DSTYK: variants seen among roughly 807,000 people sequenced by gnomAD.
DSTYK encodes the protein dual serine/threonine and tyrosine protein kinase.
In DSTYK, 34 loss-of-function variants were observed where a neutral mutation model predicts 98.7. The observed-to-expected ratio is 0.34, with a 90% CI of 0.26 to 0.46. The LOEUF (loss-of-function observed/expected upper bound fraction) is 0.46, where lower values mean the gene tolerates loss of function less well. Among genes scored for constraint, DSTYK ranks in the 20% least tolerant of loss-of-function variants. The pLI, the probability that DSTYK is intolerant of heterozygous loss-of-function variation, is 1.00. For synonymous variants in DSTYK, 462 were observed against 457.3 expected (o/e 1.01, Z -0.13); for missense variants, 962 against 1,181.7 (o/e 0.81, Z 2.73).
rs368252858 is a variant in DSTYK at position 205,170,057 on chromosome 1, G to C, written c.655-225C>G. Among the ~76,000 whole-genome samples, 100 of 152,288 alleles carry C rather than the reference G, an allele frequency of 6.6e-4. 1 individual carries two copies. The highest frequency in any genetic ancestry group is 2.3e-3 in the African/African-American group (96 of 41,542). On this transcript the variant is annotated intron_variant, in intron 2 of 12. Coordinates refer to ENST00000367162, the MANE Select transcript of DSTYK (RefSeq NM_015375.3). ...AGTGAAAAAACAAAGAAGTAGAAAG[G>C]ATGGCAACCCCTTTAGCCATCAGAT...
chr1:205,196,054 T>C (rs1236731577), intron 1 of DSTYK, among the ~76,000 whole-genome samples: 1 of 152,184 alleles, frequency 6.6e-6, no homozygotes, highest in Non-Finnish European at 1.5e-5. Flanking sequence ...AAGGTGGGAA[T>C]ATGTCAAAAG....
Position 205,159,575 on chromosome 1 carries a change from A to T in DSTYK, c.2210T>A (p.Leu737Gln). 1 of 1,581,310 alleles carries T rather than the reference A, an allele frequency of 6.3e-7. No individual in the cohort carries two copies. Among genetic ancestry groups the T allele is most frequent in the African/African-American group, 1.4e-5 (1 of 72,118 alleles). ...SIAVLLIMER[L>Q]HRDLYTGLKA... ...CAGCCCTGTGTAGAGATCCCGGTGT[A>T]GCCGCTCCATAATGAGGAGCACAGC... The change falls in exon 9 of 13, where the codon CTA becomes CAA. Residue 737 changes from leucine to glutamine, a missense_variant. Physicochemically the swap from Leu to Gln is moderately radical, Grantham distance 113. Around this residue, in one of 4 missense-constraint regions of DSTYK, gnomAD observed 660 missense variants for 855.0 expected, o/e 0.77. Coordinates refer to ENST00000367162, the MANE Select transcript of DSTYK (RefSeq NM_015375.3).
At chr1:205,158,686 C>T (rs1375993891) in intron 9 of DSTYK, among the ~76,000 whole-genome samples, 5 of 152,206 alleles carry the variant, frequency 3.3e-5, no homozygotes, top group African/African-American at 1.2e-4. Context: ...ATGCTCTAGG[C>T]ATTAAGCTGT....
intron 1 of DSTYK, among the ~76,000 whole-genome samples, chr1:205,193,485 C>G (rs1438130112): frequency 6.6e-6 from 1 of 152,188 alleles, no homozygotes; most frequent in African/African-American, 2.4e-5. Context: ...AGGTTGCTCT[C>G]TGACCTTCTC....
chr1:205,149,162 A>G (rs1294745573), intron 11 of DSTYK, among the ~76,000 whole-genome samples: 1 of 151,994 alleles, frequency 6.6e-6, no homozygotes, highest in Non-Finnish European at 1.5e-5. Context: ...TTGGCTTCCC[A>G]AAGTGCTGGG....
chr1:205,177,250 A>G (rs189075152), intron 2 of DSTYK, among the ~76,000 whole-genome samples: 155 of 152,272 alleles, frequency 1.0e-3, no homozygotes, highest in African/African-American at 3.7e-3. Context: ...GAAAACAGTT[A>G]TGTACGCAGG....
intron 12 of DSTYK, among the ~76,000 whole-genome samples, 170 bp from the exon 13 acceptor site, chr1:205,147,915 T>TAA (rs35284794): frequency 1.9e-4 from 28 of 144,522 alleles, no homozygotes; most frequent in Admixed American, 3.4e-4. Context: ...TAAGAGCAAT[T>TAA]AAAAAAAAAA....
At chr1:205,202,325 G>A (rs1418031107) in intron 1 of DSTYK, 7 of 695,620 alleles carry the variant, frequency 1.0e-5, no homozygotes, top group Admixed American at 1.8e-5. Context: ...GAAAAGCCAC[G>A]AAGTATCTGA....
intron 10 of DSTYK, among the ~76,000 whole-genome samples, chr1:205,153,702 T>TTC (rs760501086): frequency 1.3e-5 from 2 of 150,008 alleles, no homozygotes; most frequent in Non-Finnish European, 3.0e-5. Context: ...GTAACTTACT[T>TTC]TTTGTGTGTG....
Position 205,211,485 on chromosome 1 carries a change from G to GCCGGGA in DSTYK, c.45_50dup (p.Pro18_Gly19dup), listed in dbSNP as rs1407771723. On this transcript the variant is annotated inframe_insertion, in exon 1 of 13. Transcript: ENST00000367162. ...CGCGGATCATTCCGCCGCCGCCGGG[G>GCCGGGA]CCGGGACCCGAGACGGGCTCGCTGC... 5 of 1,582,704 alleles carry GCCGGGA rather than the reference G, an allele frequency of 3.2e-6. No individual in the cohort carries two copies. In the Admixed American group the frequency reaches 5.2e-5, roughly 16 times the overall value.
intron 1 of DSTYK, among the ~76,000 whole-genome samples, chr1:205,206,920 C>T (rs1385141254): frequency 6.6e-6 from 1 of 152,030 alleles, no homozygotes; most frequent in East Asian, 1.9e-4. Context: ...CTCTAGAGAT[C>T]AGTACTGTTA....
At chr1:205,152,860 T>C (rs969700332) in intron 10 of DSTYK, among the ~76,000 whole-genome samples, 1 of 152,202 alleles carries the variant, frequency 6.6e-6, no homozygotes, top group Non-Finnish European at 1.5e-5. Context: ...CCCCATACTA[T>C]GAGCAGCATG....
At chr1:205,155,657 CA>C (rs1249266078) in intron 10 of DSTYK, among the ~76,000 whole-genome samples, 2 of 145,502 alleles carry the variant, frequency 1.4e-5, no homozygotes, top group African/African-American at 5.2e-5. Flanking sequence ...GACTCCATCT[CA>C]AAAAAATTTT....
At chr1:205,207,529 T>G (rs1316894626) in intron 1 of DSTYK, among the ~76,000 whole-genome samples, 4 of 150,108 alleles carry the variant, frequency 2.7e-5, no homozygotes, top group Non-Finnish European at 4.4e-5. Flanking sequence ...GGCAGGCAGA[T>G]CGCTTGAGGT....
At chr1:205,210,894 C>A (rs774682743) in intron 1 of DSTYK, among the ~76,000 whole-genome samples, 2 of 152,268 alleles carry the variant, frequency 1.3e-5, no homozygotes, top group Non-Finnish European at 2.9e-5. Flanking sequence ...CTCTGACCCA[C>A]AACGGCGCAC....
chr1:205,162,351 C>A, intron 5 of DSTYK, 139 bp from the exon 6 acceptor site: 1 of 1,016,120 alleles, frequency 9.8e-7, no homozygotes, highest in South Asian at 1.7e-5. Flanking sequence ...GTCCAAAGTT[C>A]CTTTCCAATT....
rs1045812880 is a variant in DSTYK at position 205,145,522 on chromosome 1, TTTG to T, written c.*2033_*2035del. 1.0e-4 allele frequency: 6 copies of T among 58,932 alleles called. No homozygotes were observed. Among genetic ancestry groups the T allele is most frequent in the African/African-American group, 1.6e-4 (5 of 30,386 alleles). 3.7% of individuals were successfully genotyped at this position (58,932 alleles called of 1,614,324 possible). On this transcript the variant is annotated 3_prime_UTR_variant, in exon 13 of 13. Transcript: ENST00000367162. ...GCAGATGTGCGACTCATCTTTGTTT[TTTG>T]TTTTTTTTTTTGTTTTTTTTTGAGA...
rs914029945 is a variant in DSTYK at position 205,199,000 on chromosome 1, T to C, written c.266-11194A>G. On this transcript the variant is annotated intron_variant, in intron 1 of 12. Transcript: ENST00000367162. ...TCTGATGAAACTAAAGTTAGACACTTTGAGGATGAAAGTACTTTTTTAAAA... is the reference window on the plus strand; with the variant it reads ...TCTGATGAAACTAAAGTTAGACACTCTGAGGATGAAAGTACTTTTTTAAAA... Among the ~76,000 whole-genome samples, 15 of 152,256 alleles carry C rather than the reference T, an allele frequency of 9.9e-5. No individual in the cohort carries two copies. In the South Asian group the frequency reaches 3.1e-3, roughly 32 times the overall value.
chr1:205,191,297 A>C (rs929086509), intron 1 of DSTYK, among the ~76,000 whole-genome samples: 2 of 152,222 alleles, frequency 1.3e-5, no homozygotes, highest in African/African-American at 4.8e-5. Context: ...CCAGATTTGA[A>C]CAAGGGCATG....
Sources: gnomAD v4.1 joint callset for allele counts (sites outside exome capture counted in the v4.1 genomes callset) on GRCh38, gnomAD v4.1.1 for gene constraint, gnomAD v4.1.1 regional missense constraint, MANE v1.5 for transcripts, NCBI Gene and HGNC (gene_info 2026-07-23, HGNC 2026-07-21) for gene names.